The following LRRC43 variants were observed in gnomAD, a reference collection of about 807,000 sequenced individuals.
LRRC43 encodes the protein leucine rich repeat containing 43.
In LRRC43, 62 loss-of-function variants were observed where a neutral mutation model predicts 64.3. That is an observed-to-expected ratio of 0.96 (90% confidence interval 0.79 to 1.19). The LOEUF is 1.19. Among genes scored for constraint, LRRC43 ranks in the 50% most tolerant of loss-of-function variants. The pLI is 0.00. For synonymous variants in LRRC43, 422 were observed against 382.3 expected, an observed-to-expected ratio of 1.10 and a Z score of -1.21; for missense variants, 868 against 845.0, an observed-to-expected ratio of 1.03 and a Z score of -0.34.
chr12:122,174,120 A>G (rs1392087907), intron 1 of LRRC43: 1 of 1,613,972 alleles, frequency 6.2e-7, no homozygotes, highest in Non-Finnish European at 8.5e-7. Flanking sequence ...AGATAAGATG[A>G]TGCCCAAGAC....
chr12:122,194,198 C>T (rs970423699), intron 7 of LRRC43, among the ~76,000 whole-genome samples: 16 of 151,406 alleles, frequency 1.1e-4, no homozygotes, highest in Non-Finnish European at 1.8e-4. Context: ...GAAAGGAGAG[C>T]ACAAATATAA....
intron 7 of LRRC43, among the ~76,000 whole-genome samples, chr12:122,199,385 C>T (rs1313594566): frequency 6.7e-6 from 1 of 149,226 alleles, no homozygotes; most frequent in Non-Finnish European, 1.5e-5. Flanking sequence ...CAGGTTCAAG[C>T]GATTCTCCTC....
Position 122,187,831 on chromosome 12 carries a change from C to G in LRRC43, c.653C>G (p.Ala218Gly). 1 of 1,614,068 alleles carries G rather than the reference C, an allele frequency of 6.2e-7. No individual in the cohort carries two copies. Among genetic ancestry groups the G allele is most frequent in the Non-Finnish European group, 8.5e-7 (1 of 1,180,014 alleles). ...CCCTTGGAAAGTCTCTACGTCACCG[C>G]TAATCACTGGTAACTCGGGAGCCCA... ...LGPLESLYVT[A>G]NHWPNLVSLD... The change falls in exon 4 of 12, where the codon GCT becomes GGT. Residue 218 changes from alanine to glycine, a missense_variant. Physicochemically the swap from Ala to Gly is moderately conservative, Grantham distance 60. Transcript: ENST00000339777.
intron 4 of LRRC43, among the ~76,000 whole-genome samples, chr12:122,188,995 C>T (rs550445104): frequency 6.6e-6 from 1 of 152,280 alleles, no homozygotes; most frequent in South Asian, 2.1e-4. Context: ...GGAACCAAGC[C>T]CTAGCGCCAG....
In LRRC43 at chr12:122,200,408, C is replaced by A; in HGVS notation, c.1491+78C>A. 6.2e-7 allele frequency: 1 copy of A among 1,607,796 alleles called. No homozygotes were observed. The highest frequency in any genetic ancestry group is 1.1e-5 in the South Asian group (1 of 90,704). On this transcript the variant is annotated intron_variant, in intron 8 of 11. Coordinates refer to ENST00000339777, the MANE Select transcript of LRRC43 (RefSeq NM_001098519.2). The surrounding 1 kb of genome is among the most constrained non-coding windows in gnomAD (Gnocchi z 4.6). The stretch of plus-strand genomic sequence containing the variant: ...GTTCCTGTTCCCATCGGGCTGTCCC[C>A]CATGGGAGCCGCACTCCCTGGTTAG...
chr12:122,185,091 G>A (rs187723952), intron 2 of LRRC43, among the ~76,000 whole-genome samples: 9 of 152,290 alleles, frequency 5.9e-5, no homozygotes, highest in East Asian at 1.9e-4. Context: ...GTTTTACTTC[G>A]TTTAAACCGT....
rs1319655295 is a variant in LRRC43, at chr12:122,184,296, G to A, written c.151-223G>A. ...TTTTTAGTCGAGACGGGGTTTCACC[G>A]TGTTAGCCAGGATGGCCTCGATCTC... On this transcript the variant is annotated intron_variant, in intron 1 of 11. Transcript: ENST00000339777. This position sits in a 1 kb window ranked among gnomAD's most constrained non-coding sequence, Gnocchi z 4.0. 2.0e-5 allele frequency among the ~76,000 whole-genome samples: 3 copies of A among 152,038 alleles called. No homozygotes were observed. Among genetic ancestry groups the A allele is most frequent in the African/African-American group, 2.4e-5 (1 of 41,400 alleles).
chr12:122,201,472 G>A, intron 11 of LRRC43, 143 bp downstream of exon 11: 1 of 746,658 alleles, frequency 1.3e-6, no homozygotes, highest in Non-Finnish European at 2.3e-6. Context: ...CTTAGATCCA[G>A]TGTTATTATT....
intron 11 of LRRC43, chr12:122,202,549 A>G (rs1953854305): frequency 6.6e-6 from 1 of 152,206 alleles, no homozygotes; most frequent in Non-Finnish European, 1.5e-5. Flanking sequence ...TGCATGAGTT[A>G]CTTGTAAACT....
At chr12:122,168,508 C>T (rs908731927) in intron 1 of LRRC43, among the ~76,000 whole-genome samples, 9 of 151,820 alleles carry the variant, frequency 5.9e-5, no homozygotes, top group South Asian at 4.2e-4. Flanking sequence ...AGGCTGGTCT[C>T]GAGCTGATCA....
rs1953819427 is a variant in LRRC43 at position 122,200,221 on chromosome 12, G to A, written c.1382G>A (p.Trp461Ter). ...TVLFSTAHKP[W>*]AEVIPCSYEM... is the part of the protein sequence containing the mutation. ...CTCTTCAGCACTGCCCACAAGCCCT[G>A]GGCTGAGGTCATCCCCTGCAGTTAC... The change falls in exon 8 of 12, where the codon TGG (tryptophan) becomes TAG (stop). Residue 461 changes from tryptophan to a stop codon, truncating the protein, a stop_gained. Transcript: ENST00000339777. LOFTEE classifies it high-confidence loss of function. The surrounding 1 kb of genome is among the most constrained non-coding windows in gnomAD (Gnocchi z 4.6). 6.2e-7 allele frequency: 1 copy of A among 1,613,874 alleles called. No individual in the cohort carries two copies. Among genetic ancestry groups the A allele is most frequent in the Non-Finnish European group, 8.5e-7 (1 of 1,180,002 alleles).
At chr12:122,181,234 A>G (rs1285528913), upstream of LRRC43, among the ~76,000 whole-genome samples, 3 of 149,230 alleles carry the variant, frequency 2.0e-5, no homozygotes, top group Non-Finnish European at 4.4e-5. Context: ...AAAAAAGGAT[A>G]TTTTCTTCTT....
intron 10 of LRRC43, 73 bp downstream of exon 10, chr12:122,201,007 G>A: frequency 6.7e-7 from 1 of 1,498,690 alleles, no homozygotes; most frequent in African/African-American, 1.4e-5. Flanking sequence ...GGGCAAGCAA[G>A]GGCTGTGGGC....
chr12:122,183,087 A>C (rs1593143571), upstream of LRRC43: 5 of 1,507,244 alleles, frequency 3.3e-6, no homozygotes, highest in African/African-American at 2.9e-5. Flanking sequence ...GAGCGCCTGG[A>C]GAGGCCCCTG....
At chr12:122,203,008 T>C (rs1953861169) in intron 11 of LRRC43, among the ~76,000 whole-genome samples, 1 of 152,104 alleles carries the variant, frequency 6.6e-6, no homozygotes, top group African/African-American at 2.4e-5. Context: ...GGAGAATCGC[T>C]TGAACCTGGG....
In LRRC43 at chr12:122,191,497, A is replaced by G. The variant is rs1167950592; in HGVS notation, c.1019A>G (p.Tyr340Cys). The change falls in exon 6 of 12, where the codon TAT (tyrosine) becomes TGT (cysteine). Residue 340 changes from tyrosine to cysteine, a missense_variant. Tyr to Cys is a radical substitution (Grantham distance 194). Coordinates refer to ENST00000339777, the MANE Select transcript of LRRC43 (RefSeq NM_001098519.2). The stretch of plus-strand genomic sequence containing the variant: ...GAAGGCCCTTTCATCACTTACAACT[A>G]TTACGTGACCTATGATTTTGTGAAA... ...RPEGPFITYN[Y>C]YVTYDFVKDE... 1 of 1,614,060 alleles carries G rather than the reference A, an allele frequency of 6.2e-7. No individual in the cohort carries two copies. The highest frequency in any genetic ancestry group is 1.7e-5 in the Admixed American group (1 of 59,998).
At chr12:122,193,676 T>G (rs1472316947) in intron 7 of LRRC43, among the ~76,000 whole-genome samples, 2 of 152,160 alleles carry the variant, frequency 1.3e-5, no homozygotes, top group Admixed American at 1.3e-4. Flanking sequence ...GCAATTCTTG[T>G]GCCTCAGCCT....
rs1185695398 is a variant in LRRC43 at position 122,172,532 on chromosome 12, A to C, written c.-406+4750A>C. The C allele has an allele frequency of 2.5e-6, 4 of 1,614,196 alleles. No individual in the cohort carries two copies. In the Admixed American group the frequency reaches 6.7e-5, roughly 27 times the overall value. ...TACATTCATGGGTGTCTGTTGGCAC[A>C]GAAATGTTTGTTTCTGGTGCATCTT... On this transcript the variant is annotated intron_variant, in intron 1 of 5. Coordinates refer to the LRRC43 transcript ENST00000537729.
chr12:122,177,480 T>A (rs1158746069), intron 1 of LRRC43, among the ~76,000 whole-genome samples: 1 of 19,376 alleles, frequency 5.2e-5, no homozygotes, highest in South Asian at 1.4e-3. Context: ...AGAGAAAGTG[T>A]GTGTGTGTGT....
Sources: allele counts gnomAD v4.1 joint callset (sites outside exome capture counted in the v4.1 genomes callset), GRCh38; gene constraint gnomAD v4.1.1; non-coding constraint Gnocchi (gnomAD v3.1); transcripts MANE v1.5; gene names NCBI Gene and HGNC (gene_info 2026-07-23, HGNC 2026-07-21).